The following SPATA21 variants were observed in gnomAD, a reference collection of about 807,000 sequenced individuals.
SPATA21 encodes spermatogenesis associated 21.
A neutral mutation model predicts 54.8 loss-of-function variants in SPATA21; 47 were observed. The ratio of observed to expected loss-of-function variants is 0.86; its 90% confidence interval spans 0.68 to 1.09. The LOEUF is 1.09. SPATA21 is among the 50% of genes least tolerant of loss of function. The pLI is 0.00. For missense variants in SPATA21, 599 were observed against 596.4 expected (o/e 1.00, Z -0.05); for synonymous variants, 245 against 235.3 (o/e 1.04, Z -0.38).
rs771267260 is a variant in SPATA21 at position 16,400,843 on chromosome 1, C to T, written c.1051G>A (p.Glu351Lys). 4 of 1,614,100 alleles carry T rather than the reference C, an allele frequency of 2.5e-6. No individual in the cohort carries two copies. The highest frequency in any genetic ancestry group is 3.4e-6 in the Non-Finnish European group (4 of 1,180,024). ...AACCGCAGCCGGCCTACGGCCGCTT[C>T]CATCTCCTGGGCCTTGCAGGTGCCT... ...KEGTCKAQEM[E>K]AAVGRLRLQK... is the part of the protein sequence containing the mutation. The change falls in exon 11 of 13, where the codon GAA becomes AAA. Residue 351 changes from glutamate (E) to lysine (K), a missense_variant. Transcript: ENST00000335496.
At chr1:16,406,888 C>T (rs780678211) in intron 7 of SPATA21, among the ~76,000 whole-genome samples, 21 of 152,192 alleles carry the variant, frequency 1.4e-4, no homozygotes, top group Non-Finnish European at 2.6e-4. Flanking sequence ...AGCAACCTGC[C>T]GACCCCCTGA....
chr1:16,399,291 T>C (rs777600901), intron 12 of SPATA21, 53 bp downstream of exon 12: 17 of 1,535,824 alleles, frequency 1.1e-5, no homozygotes, highest in Non-Finnish European at 1.4e-5. Flanking sequence ...CAGGGGCCTC[T>C]TAAGGAAGAA....
intron 10 of SPATA21, among the ~76,000 whole-genome samples, chr1:16,401,946 C>T (rs17452918): frequency 0.33 from 50,853 of 152,084 alleles, 9,886 homozygotes; most frequent in East Asian, 0.67. Flanking sequence ...AAGAGACATC[C>T]ACACAGGGTC....
chr1:16,430,531 C>T (rs2086433637), intron 3 of SPATA21, among the ~76,000 whole-genome samples: 1 of 152,042 alleles, frequency 6.6e-6, no homozygotes, highest in Non-Finnish European at 1.5e-5. Flanking sequence ...TGGGGAGGGG[C>T]ATGGAGGGAA....
chr1:16,428,690 A>T lies in SPATA21; in HGVS notation c.34+2648T>A, dbSNP rs2086382165. On this transcript the variant is annotated intron_variant, in intron 3 of 12. Coordinates refer to ENST00000335496, the MANE Select transcript of SPATA21 (RefSeq NM_198546.1). This position sits in a 1 kb window ranked among gnomAD's most constrained non-coding sequence, Gnocchi z 4.3. ...CGCACCTGGCCTGAACTGGGTTTTGATCACTATCATGGTCTGTCACTCTCC... is the reference window on the plus strand; with the variant it reads ...CGCACCTGGCCTGAACTGGGTTTTGTTCACTATCATGGTCTGTCACTCTCC... Among the ~76,000 whole-genome samples the T allele has an allele frequency of 1.3e-5, 2 of 151,932 alleles. No homozygotes were observed. The highest frequency in any genetic ancestry group is 2.9e-5 in the Non-Finnish European group (2 of 67,976).
rs184206512 is a variant in SPATA21, at chr1:16,402,497, G to A, written c.1001+1230C>T. Among the ~76,000 whole-genome samples, 941 of 151,510 alleles carry A rather than the reference G, an allele frequency of 6.2e-3. 8 individuals are homozygous for A. The highest frequency in any genetic ancestry group is 8.3e-3 in the Non-Finnish European group (563 of 67,866). ...AGGATGCTCTCGATCTCCTGACCTT[G>A]TGATCCGCCCACCGCGGCCTCCCAA... is the stretch of plus-strand genomic sequence containing the variant. On this transcript the variant is annotated intron_variant, in intron 10 of 12. Coordinates refer to ENST00000335496, the MANE Select transcript of SPATA21 (RefSeq NM_198546.1).
At chr1:16,425,239 G>A (rs1238869211) in intron 3 of SPATA21, 4 of 587,266 alleles carry the variant, frequency 6.8e-6, no homozygotes, top group South Asian at 4.6e-5. Context: ...TGCTTGTGAT[G>A]TAGGCTGGGG....
In SPATA21 at chr1:16,400,797, G is replaced by T. The variant is rs1232826945; in HGVS notation, c.1097C>A (p.Pro366His). 10 of 1,611,956 alleles carry T rather than the reference G, an allele frequency of 6.2e-6. No individual in the cohort carries two copies. Among genetic ancestry groups the T allele is most frequent in the Non-Finnish European group, 7.6e-6 (9 of 1,179,492 alleles). The change falls in exon 11 of 13, where the codon CCC (proline) becomes CAC (histidine). Residue 366 changes from proline to histidine, a missense_variant. Pro to His is a moderately conservative substitution (Grantham distance 77). Coordinates refer to ENST00000335496, the MANE Select transcript of SPATA21 (RefSeq NM_198546.1). The stretch of plus-strand genomic sequence containing the variant: ...AACTTCTGAGCTCTCTTCTTGCTGG[G>T]GGTTGTAGGGAAGCTTCTGCAACCG... Reference protein sequence around the residue: ...RLRLQKLPYNPQQEESSEVPE... With the variant: ...RLRLQKLPYNHQQEESSEVPE...
downstream of SPATA21, chr1:16,395,840 C>G (rs542912730): frequency 1.8e-4 from 28 of 154,086 alleles, 1 homozygote; most frequent in Admixed American, 1.6e-3. Flanking sequence ...CTGCAGCCGC[C>G]AGGACAGACG....
At chr1:16,437,490 G>A (rs931868076), upstream of SPATA21, 4 of 152,190 alleles carry the variant, frequency 2.6e-5, no homozygotes, top group East Asian at 1.9e-4. Flanking sequence ...TATTGGGCCA[G>A]GGTACTCTCT....
At chr1:16,399,546 G>A (rs1341018165) in intron 11 of SPATA21, 25 bp from the exon 12 acceptor site, 1 of 1,607,568 alleles carries the variant, frequency 6.2e-7, no homozygotes, top group Non-Finnish European at 8.5e-7. Context: ...GGCAGAAGGA[G>A]GAATGCTTCA....
chr1:16,395,982 G>T (rs1157536813), downstream of SPATA21: 2 of 152,702 alleles, frequency 1.3e-5, no homozygotes, highest in African/African-American at 2.4e-5. Flanking sequence ...TATTTTGGGA[G>T]ATAGGGAAAG....
At chr1:16,406,977 C>T (rs893574478) in intron 7 of SPATA21, among the ~76,000 whole-genome samples, 2 of 152,198 alleles carry the variant, frequency 1.3e-5, no homozygotes, top group East Asian at 1.9e-4. Context: ...TAAGGCAGCC[C>T]GTGCTGACTG....
chr1:16,409,835 G>C lies in SPATA21; in HGVS notation c.353C>G (p.Thr118Ser). 1 of 1,600,948 alleles carries C rather than the reference G, an allele frequency of 6.2e-7. No homozygotes were observed. The highest frequency in any genetic ancestry group is 1.1e-5 in the South Asian group (1 of 88,930). The change falls in exon 6 of 13, where the codon ACC (threonine) becomes AGC (serine). Residue 118 changes from threonine (T) to serine (S), a missense_variant. Transcript: ENST00000335496. The surrounding 1 kb of genome is among the most constrained non-coding windows in gnomAD (Gnocchi z 4.1). ...QTAQKSPRTLTPVPTSAPSLP... is the reference protein window; with the variant it reads ...QTAQKSPRTLSPVPTSAPSLP... ...GCTTGGAGCTGAGGTGGGCACCGGGGTCAGGGTCCTGGGCGACTTCTGGGC... is the reference window on the plus strand; with the variant it reads ...GCTTGGAGCTGAGGTGGGCACCGGGCTCAGGGTCCTGGGCGACTTCTGGGC...
chr1:16,418,691 C>T (rs146464601), intron 5 of SPATA21, among the ~76,000 whole-genome samples: 114 of 152,116 alleles, frequency 7.5e-4, no homozygotes, highest in African/African-American at 2.7e-3. Context: ...CCTCAGCCTC[C>T]AAAGTAGCTG....
In SPATA21 at chr1:16,409,799, G is replaced by A; in HGVS notation, c.389C>T (p.Thr130Ile). ...VPTSAPSLPQ[T>I]PASVPASGPS... ...GCCGCTGGCAGGGACCGAGGCAGGGGTCTGAGGCAGGCTTGGAGCTGAGGT... is the reference window on the plus strand; with the variant it reads ...GCCGCTGGCAGGGACCGAGGCAGGGATCTGAGGCAGGCTTGGAGCTGAGGT... The change falls in exon 6 of 13, where the codon ACC (threonine) becomes ATC (isoleucine). Residue 130 changes from threonine (T) to isoleucine (I), a missense_variant. Physicochemically the swap from Thr to Ile is moderately conservative, Grantham distance 89. Coordinates refer to ENST00000335496, the MANE Select transcript of SPATA21 (RefSeq NM_198546.1). This position sits in a 1 kb window ranked among gnomAD's most constrained non-coding sequence, Gnocchi z 4.1. 2 of 1,600,722 alleles carry A rather than the reference G, an allele frequency of 1.2e-6. No homozygotes were observed. The highest frequency in any genetic ancestry group is 1.3e-5 in the African/African-American group (1 of 74,650).
chr1:16,434,142 T>C (rs1270447548), intron 1 of SPATA21, among the ~76,000 whole-genome samples: 1 of 152,208 alleles, frequency 6.6e-6, no homozygotes, highest in Middle Eastern at 3.2e-3. Flanking sequence ...TCACTTAACG[T>C]CATGTTTTCA....
At chr1:16,431,194 G>T (rs974686904) in intron 3 of SPATA21, 144 bp downstream of exon 3, 15 of 1,522,448 alleles carry the variant, frequency 9.9e-6, no homozygotes, top group Admixed American at 2.2e-5. Context: ...GGAAGGGAAA[G>T]GTGCCAGCTA....
At chr1:16,410,194 C>T (rs1015872993) in intron 5 of SPATA21, 151 bp from the exon 6 acceptor site, 7 of 626,292 alleles carry the variant, frequency 1.1e-5, no homozygotes, top group Non-Finnish European at 1.9e-5. Flanking sequence ...ATGCACCCCA[C>T]TGTGCTCCTG....
Sources: allele counts gnomAD v4.1 joint callset (sites outside exome capture counted in the v4.1 genomes callset), GRCh38; gene constraint gnomAD v4.1.1; non-coding constraint Gnocchi (gnomAD v3.1); transcripts MANE v1.5; gene names NCBI Gene and HGNC (gene_info 2026-07-23, HGNC 2026-07-21).